CLEC1A: variants seen among roughly 807,000 people sequenced by gnomAD.
CLEC1A encodes C-type lectin domain family 1 member A.
Under a neutral mutation model 28.7 loss-of-function variants are expected in CLEC1A, and 34 were observed. That is an observed-to-expected ratio of 1.18 (90% CI 0.90 to 1.57). The LOEUF is 1.57. Among genes scored for constraint, CLEC1A ranks in the 40% most tolerant of loss-of-function variants. CLEC1A has a pLI of 0.00. For missense variants in CLEC1A, 385 were observed against 339.5 expected (o/e 1.13, Z -1.05); for synonymous variants, 116 against 121.0 (o/e 0.96, Z 0.27).
At position 10,080,772 on chromosome 12, in the gene CLEC1A, T is replaced by C. The variant is rs574079577; in HGVS notation, c.391+465A>G. Among the ~76,000 whole-genome samples the C allele has an allele frequency of 2.6e-5, 4 of 152,350 alleles. No homozygotes were observed. The East Asian group carries it at 5.8e-4, about 22-fold the overall frequency. Reference sequence around the variant, plus strand: ...TCATCATCTGTGGTCCTTATTAAACTGCATATTTTTGATACCCAGCCAAGT... The same window carrying C: ...TCATCATCTGTGGTCCTTATTAAACCGCATATTTTTGATACCCAGCCAAGT... On this transcript the variant is annotated intron_variant, in intron 3 of 5. Coordinates refer to ENST00000315330, the MANE Select transcript of CLEC1A (RefSeq NM_016511.4).
intron 2 of CLEC1A, among the ~76,000 whole-genome samples, chr12:10,083,118 A>C (rs892994392): frequency 6.6e-6 from 1 of 152,200 alleles, no homozygotes; most frequent in Admixed American, 6.5e-5. Context: ...AATAACAATC[A>C]CTGCAGTCTG....
At chr12:10,089,894 A>G (rs368134373) in intron 1 of CLEC1A, among the ~76,000 whole-genome samples, 2 of 152,192 alleles carry the variant, frequency 1.3e-5, no homozygotes, top group South Asian at 2.1e-4. Flanking sequence ...TATTTTTGCA[A>G]CAGTTAAATA....
intron 2 of CLEC1A, among the ~76,000 whole-genome samples, chr12:10,088,303 A>C (rs1866542161): frequency 6.6e-6 from 1 of 152,216 alleles, no homozygotes; most frequent in Admixed American, 6.5e-5. Flanking sequence ...TTTGGGATCA[A>C]AAAGGGCAAC....
At chr12:10,090,534 G>C (rs1258591244) in intron 1 of CLEC1A, among the ~76,000 whole-genome samples, 1 of 152,102 alleles carries the variant, frequency 6.6e-6, no homozygotes, top group Non-Finnish European at 1.5e-5. Flanking sequence ...AAAGTGCTGG[G>C]ATTACAGGCA....
At chr12:10,075,749 T>G in intron 3 of CLEC1A, 94 bp from the exon 4 acceptor site, 1 of 1,085,080 alleles carries the variant, frequency 9.2e-7, no homozygotes, top group South Asian at 1.6e-5. Context: ...TAAGAAAGAA[T>G]TAACTCTTCC....
intron 5 of CLEC1A, among the ~76,000 whole-genome samples, chr12:10,072,511 A>G (rs1323139373): frequency 2.6e-5 from 4 of 152,022 alleles, no homozygotes; most frequent in Non-Finnish European, 4.4e-5. Flanking sequence ...TGTGCTCCCT[A>G]TTTTGCTGCA....
rs1565596773 is a variant in CLEC1A at position 10,071,300 on chromosome 12, C to T, written c.*33G>A. 1 of 1,599,706 alleles carries T rather than the reference C, an allele frequency of 6.3e-7. No homozygotes were observed. The highest frequency in any genetic ancestry group is 1.1e-5 in the South Asian group (1 of 88,584). ...TAGCCCTTGCTTTGGCACCGCCTGGCTCACTCTGCTATTTGTAGTTGCAGA... is the reference window on the plus strand; with the variant it reads ...TAGCCCTTGCTTTGGCACCGCCTGGTTCACTCTGCTATTTGTAGTTGCAGA... On this transcript the variant is annotated 3_prime_UTR_variant, in exon 6 of 6. Coordinates refer to ENST00000315330, the MANE Select transcript of CLEC1A (RefSeq NM_016511.4).
intron 1 of CLEC1A, among the ~76,000 whole-genome samples, chr12:10,097,595 A>G (rs979808707): frequency 2.0e-5 from 3 of 151,748 alleles, no homozygotes; most frequent in Non-Finnish European, 4.4e-5. Context: ...CTAGTGTTTT[A>G]TCTTGCTCCA....
At position 10,075,529 on chromosome 12, in the gene CLEC1A, A is replaced by T. The variant is rs748763667; in HGVS notation, c.518T>A (p.Leu173Gln). The T allele has an allele frequency of 3.1e-6, 5 of 1,613,920 alleles. No individual in the cohort carries two copies. The highest frequency in any genetic ancestry group is 4.2e-6 in the Non-Finnish European group (5 of 1,179,890). The change falls in exon 4 of 6, where the codon CTG (leucine) becomes CAG (glutamine). Residue 173 changes from leucine to glutamine, a missense_variant. Leu to Gln is a moderately radical substitution (Grantham distance 113). Coordinates refer to ENST00000315330, the MANE Select transcript of CLEC1A (RefSeq NM_016511.4). ...CAGGTCTTCTTGTTTGTTTATCTTC[A>T]GCATGGTAGAGTTTTCACTAAGGCA... ...YFCLSENSTMLKINKQEDLEF... is the reference protein window; with the variant it reads ...YFCLSENSTMQKINKQEDLEF...
chr12:10,076,784 A>G, intron 3 of CLEC1A, among the ~76,000 whole-genome samples: 1 of 152,234 alleles, frequency 6.6e-6, no homozygotes, highest in Middle Eastern at 3.2e-3. Flanking sequence ...GGTCCGTTTC[A>G]ACTATGGTCC....
At chr12:10,090,455 A>G (rs1303069812) in intron 1 of CLEC1A, among the ~76,000 whole-genome samples, 2 of 151,996 alleles carry the variant, frequency 1.3e-5, no homozygotes. Context: ...ATGAGGTTTC[A>G]CCATGTTGCC....
intron 1 of CLEC1A, among the ~76,000 whole-genome samples, chr12:10,089,999 C>A (rs985012362): frequency 3.9e-5 from 6 of 152,156 alleles, no homozygotes; most frequent in African/African-American, 1.4e-4. Context: ...CATGAGTAGA[C>A]CCCTCACCTA....
At chr12:10,071,852 A>G (rs531133968) in intron 5 of CLEC1A, among the ~76,000 whole-genome samples, 72 of 152,338 alleles carry the variant, frequency 4.7e-4, no homozygotes, top group Admixed American at 1.1e-3. Flanking sequence ...CATCAAATAT[A>G]TCCTGTCTCC....
chr12:10,073,864 A>T (rs16910035), intron 4 of CLEC1A, among the ~76,000 whole-genome samples: 12,682 of 152,270 alleles, frequency 0.083, 641 homozygotes, highest in African/African-American at 0.11. Context: ...ATTTGCAAGG[A>T]TGATTTATGT....
intron 5 of CLEC1A, 99 bp downstream of exon 5, chr12:10,073,194 A>G: frequency 1.2e-6 from 1 of 815,454 alleles, no homozygotes; most frequent in Non-Finnish European, 2.1e-6. Context: ...ACAAAGCAGA[A>G]GTTTGATTAA....
intron 2 of CLEC1A, among the ~76,000 whole-genome samples, chr12:10,082,721 C>T (rs1002492144): frequency 2.6e-5 from 3 of 114,666 alleles, no homozygotes; most frequent in Non-Finnish European, 5.9e-5. Context: ...CTTTAAAGCA[C>T]CACCTCCTGG....
At chr12:10,072,432 G>A (rs778488768) in intron 5 of CLEC1A, among the ~76,000 whole-genome samples, 4 of 152,146 alleles carry the variant, frequency 2.6e-5, no homozygotes, top group Admixed American at 6.5e-5. Context: ...GCATATGTAC[G>A]ACTAGTGTTT....
chr12:10,083,488 A>G (rs1304557205), intron 2 of CLEC1A, among the ~76,000 whole-genome samples: 4 of 152,212 alleles, frequency 2.6e-5, no homozygotes, highest in African/African-American at 9.6e-5. Context: ...TTTCTTTTTG[A>G]GACAGAATCT....
intron 3 of CLEC1A, among the ~76,000 whole-genome samples, chr12:10,078,197 G>C (rs755068839): frequency 1.3e-5 from 2 of 152,078 alleles, no homozygotes; most frequent in African/African-American, 2.4e-5. Context: ...ACTTATGCCA[G>C]ATCATGTATT....
Sources: allele counts gnomAD v4.1 joint callset (sites outside exome capture counted in the v4.1 genomes callset), GRCh38; gene constraint gnomAD v4.1.1; transcripts MANE v1.5; gene names NCBI Gene and HGNC (gene_info 2026-07-23, HGNC 2026-07-21).